The following REV1 variants were observed in gnomAD, a reference collection of about 807,000 sequenced individuals.
REV1 encodes the protein translesion synthesis protein REV1.
A neutral mutation model predicts 137.4 loss-of-function variants in REV1; 42 were observed. That is an observed-to-expected ratio of 0.31 (90% CI 0.24 to 0.40). The LOEUF (loss-of-function observed/expected upper bound fraction) is 0.40, where lower values mean the gene tolerates loss of function less well. Ranked by LOEUF, REV1 falls within the 10% of genes least tolerant of loss-of-function variation. The pLI is 1.00. For synonymous variants in REV1, 524 were observed against 519.2 expected (o/e 1.01, Z -0.12); for missense variants, 1,282 against 1,490.1 (o/e 0.86, Z 2.30).
intron 8 of REV1, among the ~76,000 whole-genome samples, chr2:99,430,915 A>G (rs568623692): frequency 5.3e-5 from 8 of 152,354 alleles, no homozygotes; most frequent in Non-Finnish European, 1.0e-4. Context: ...TATTATAAAC[A>G]AAAGTACCAT....
chr2:99,428,233 C>T (rs1679638637), intron 9 of REV1, among the ~76,000 whole-genome samples: 1 of 152,232 alleles, frequency 6.6e-6, no homozygotes, highest in Non-Finnish European at 1.5e-5. Flanking sequence ...CCTCCAGATA[C>T]TGCACATAAC....
chr2:99,454,580 A>C lies in REV1; in HGVS notation c.182-5076T>G, dbSNP rs28533371. The stretch of plus-strand genomic sequence containing the variant: ...AAAAAAAAAAAAAAAAAAAAAAAAA[A>C]AAAAAAAAAAACCCAAAAATTACGT... On this transcript the variant is annotated intron_variant, in intron 3 of 22. Transcript: ENST00000258428. Among the ~76,000 whole-genome samples the C allele has an allele frequency of 3.4e-3, 494 of 147,148 alleles. 39 individuals carry two copies. The highest frequency in any genetic ancestry group is 0.011 in the African/African-American group (453 of 39,722).
At chr2:99,449,600 A>C in intron 3 of REV1, 96 bp from the exon 4 acceptor site, 13 of 549,058 alleles carry the variant, frequency 2.4e-5, no homozygotes, top group East Asian at 1.1e-4. Flanking sequence ...TAAGAATGTC[A>C]TTGGTTCACC....
intron 1 of REV1, among the ~76,000 whole-genome samples, chr2:99,489,365 G>C (rs1221482179): frequency 6.6e-6 from 1 of 152,100 alleles, no homozygotes; most frequent in African/African-American, 2.4e-5. Flanking sequence ...CTTGTGGAAC[G>C]AACGCCCGAA....
chr2:99,482,191 A>G (rs1686677651), intron 1 of REV1, among the ~76,000 whole-genome samples: 1 of 152,226 alleles, frequency 6.6e-6, no homozygotes, highest in African/African-American at 2.4e-5. Flanking sequence ...AAAACTCCAG[A>G]TGCTGTAGAG....
intron 15 of REV1, 52 bp from the exon 16 acceptor site, chr2:99,406,542 GAATTC>G: frequency 7.1e-7 from 1 of 1,412,380 alleles, no homozygotes. Flanking sequence ...GTGAAAATAT[GAATTC>G]AGCTAAGCAA....
intron 11 of REV1, among the ~76,000 whole-genome samples, chr2:99,421,221 C>T (rs537636774): frequency 6.6e-6 from 1 of 151,468 alleles, no homozygotes; most frequent in East Asian, 1.9e-4. Flanking sequence ...GGTTTCCGTT[C>T]ACTTTTGGGA....
Position 99,418,929 on chromosome 2 carries a change from G to T in REV1, c.1850C>A (p.Ala617Asp). The change falls in exon 12 of 23, where the codon GCT becomes GAT. Residue 617 changes from alanine (A) to aspartate (D), a missense_variant. Physicochemically the swap from Ala to Asp is moderately radical, Grantham distance 126. Coordinates refer to ENST00000258428, the MANE Select transcript of REV1 (RefSeq NM_016316.4). ...SVGIGSNILLARMATRKAKPD... is the reference protein window; with the variant it reads ...SVGIGSNILLDRMATRKAKPD... ...TTTTGCTTTTCTAGTTGCCATTCTA[G>T]CCAGGAGAATATTAGAACCTATTAA... 6.2e-7 allele frequency: 1 copy of T among 1,610,268 alleles called. No homozygotes were observed. The highest frequency in any genetic ancestry group is 8.5e-7 in the Non-Finnish European group (1 of 1,177,298).
At chr2:99,458,332 C>T (rs1194757035) in intron 3 of REV1, among the ~76,000 whole-genome samples, 9 of 152,126 alleles carry the variant, frequency 5.9e-5, no homozygotes, top group Admixed American at 5.9e-4. Flanking sequence ...GAAATAAACA[C>T]ATGAAAGAAT....
At chr2:99,460,099 T>C (rs1461888575) in intron 3 of REV1, among the ~76,000 whole-genome samples, 1 of 152,114 alleles carries the variant, frequency 6.6e-6, no homozygotes, top group East Asian at 1.9e-4. Context: ...CTTTCTATTT[T>C]CTTTTTTTCA....
chr2:99,421,497 A>G lies in REV1; in HGVS notation c.1831+2T>C. On this transcript the variant is annotated splice_donor_variant, in intron 11 of 22. Transcript: ENST00000258428. LOFTEE classifies it high-confidence loss of function. ...TGAGTACAAGATAAGCTAGATACTAACCAATTCCAACAGAGGCAGCACATT... is the reference window on the plus strand; with the variant it reads ...TGAGTACAAGATAAGCTAGATACTAGCCAATTCCAACAGAGGCAGCACATT... 6.2e-7 allele frequency: 1 copy of G among 1,613,476 alleles called. No homozygotes were observed. Among genetic ancestry groups the G allele is most frequent in the Non-Finnish European group, 8.5e-7 (1 of 1,179,676 alleles).
chr2:99,470,766 G>A (rs975282000), intron 1 of REV1, among the ~76,000 whole-genome samples: 8 of 152,180 alleles, frequency 5.3e-5, no homozygotes, highest in South Asian at 2.1e-4. Flanking sequence ...AATGGAAACC[G>A]GGCATAGCAG....
chr2:99,453,745 C>A (rs1308793192), intron 3 of REV1, among the ~76,000 whole-genome samples: 1 of 150,772 alleles, frequency 6.6e-6, no homozygotes, highest in South Asian at 2.1e-4. Flanking sequence ...ATACAAAAAT[C>A]AGCTGGGCAT....
At chr2:99,418,305 G>GT (rs1396285922) in intron 12 of REV1, among the ~76,000 whole-genome samples, 1 of 152,090 alleles carries the variant, frequency 6.6e-6, no homozygotes, top group African/African-American at 2.4e-5. Flanking sequence ...AAGATGGAAG[G>GT]TTTTTTTCCA....
chr2:99,402,971 GTTT>G lies in REV1; in HGVS notation c.3299_3301del (p.Lys1100del). The G allele has an allele frequency of 6.2e-7, 1 of 1,614,208 alleles. No individual in the cohort carries two copies. The highest frequency in any genetic ancestry group is 1.7e-4 in the Middle Eastern group (1 of 6,060). ...GGGACTGCCACAGGCCCCTGGCAGA[GTTT>G]TTGCAGGACTGTTAAGCAGCTTGTT... On this transcript the variant is annotated inframe_deletion, in exon 20 of 23. Transcript: ENST00000258428.
chr2:99,480,816 T>C (rs1686531585), intron 1 of REV1, among the ~76,000 whole-genome samples: 1 of 152,204 alleles, frequency 6.6e-6, no homozygotes, highest in African/African-American at 2.4e-5. Flanking sequence ...TTCTGGAATT[T>C]TCCCTTGCTT....
intron 9 of REV1, among the ~76,000 whole-genome samples, chr2:99,429,409 A>T (rs1368278804): frequency 6.6e-6 from 1 of 152,254 alleles, no homozygotes; most frequent in Non-Finnish European, 1.5e-5. Flanking sequence ...TTATTTACTT[A>T]TAATTGCATA....
chr2:99,404,535 G>A lies in REV1; in HGVS notation c.2954C>T (p.Pro985Leu), dbSNP rs1407337533. Reference sequence around the variant, plus strand: ...TATTTGCAACAAGACTGTCCCAACTGGTTGTGGCAAAATTCCTGTATTACA... The same window carrying A: ...TATTTGCAACAAGACTGTCCCAACTAGTTGTGGCAAAATTCCTGTATTACA... Reference protein sequence around the residue: ...NGCNTGILPQPVGTVLLQIPE... With the variant: ...NGCNTGILPQLVGTVLLQIPE... The change falls in exon 18 of 23, where the codon CCA (proline) becomes CTA (leucine). Residue 985 changes from proline to leucine, a missense_variant. Pro to Leu is a moderately conservative substitution (Grantham distance 98). Coordinates refer to ENST00000258428, the MANE Select transcript of REV1 (RefSeq NM_016316.4). The A allele has an allele frequency of 6.2e-7, 1 of 1,614,044 alleles. No homozygotes were observed.
chr2:99,463,001 T>C (rs769371619), intron 2 of REV1, among the ~76,000 whole-genome samples: 26 of 151,832 alleles, frequency 1.7e-4, no homozygotes, highest in Non-Finnish European at 3.2e-4. Context: ...GGCAGGAGAA[T>C]TGCCTGAACC....
Sources: allele counts gnomAD v4.1 joint callset (sites outside exome capture counted in the v4.1 genomes callset), GRCh38; gene constraint gnomAD v4.1.1; transcripts MANE v1.5; gene names NCBI Gene and HGNC (gene_info 2026-07-23, HGNC 2026-07-21).